The following SDK1 variants were observed in gnomAD, a reference collection of about 807,000 sequenced individuals.
The protein encoded by SDK1 is protein sidekick-1.
Under a neutral mutation model 245.5 loss-of-function variants are expected in SDK1, and 157 were observed. The observed-to-expected ratio is 0.64, with a 90% CI of 0.56 to 0.73. The LOEUF (loss-of-function observed/expected upper bound fraction) is 0.73, where lower values mean the gene tolerates loss of function less well. Among genes scored for constraint, SDK1 ranks in the 30% least tolerant of loss-of-function variants. The probability of loss-of-function intolerance (pLI) is 0.00; values close to 1 mark genes in which losing one functional copy is unlikely to be tolerated. For synonymous variants in SDK1, 1,647 were observed against 1,278.5 expected, an observed-to-expected ratio of 1.29 and a Z score of -6.15; for missense variants, 3,583 against 3,002.3, an observed-to-expected ratio of 1.19 and a Z score of -4.52.
chr7:3,320,511 A>T (rs1168633621), intron 1 of SDK1, among the ~76,000 whole-genome samples: 1 of 152,176 alleles, frequency 6.6e-6, no homozygotes, highest in Non-Finnish European at 1.5e-5. Flanking sequence ...CTTGGTTGGT[A>T]TATGAAAACC....
intron 4 of SDK1, among the ~76,000 whole-genome samples, chr7:3,658,200 A>G (rs1783247916): frequency 6.6e-6 from 1 of 152,180 alleles, no homozygotes; most frequent in Non-Finnish European, 1.5e-5. Context: ...GTGAATCATG[A>G]ACTGTCATAG....
chr7:3,341,832 C>CTTA (rs1780356508), intron 1 of SDK1, among the ~76,000 whole-genome samples: 2 of 152,162 alleles, frequency 1.3e-5, no homozygotes, highest in African/African-American at 4.8e-5. Flanking sequence ...ATATTCAACA[C>CTTA]GGTAAATGTG....
intron 4 of SDK1, among the ~76,000 whole-genome samples, chr7:3,807,080 G>GAATTT (rs920536494): frequency 2.0e-5 from 3 of 151,930 alleles, no homozygotes; most frequent in Admixed American, 2.0e-4. Context: ...AAATAAAAAG[G>GAATTT]AATTTATAAA....
At chr7:3,520,461 G>C (rs1274434168) in intron 1 of SDK1, among the ~76,000 whole-genome samples, 1 of 152,100 alleles carries the variant, frequency 6.6e-6, no homozygotes, top group African/African-American at 2.4e-5. Context: ...TGCTGTGTTT[G>C]GTGGTGCAGA....
intron 5 of SDK1, among the ~76,000 whole-genome samples, chr7:3,919,098 A>G (rs544157872): frequency 1.7e-4 from 26 of 152,320 alleles, no homozygotes; most frequent in Admixed American, 1.6e-3. Context: ...TATTAACTAT[A>G]TTCCATCTCA....
intron 40 of SDK1, among the ~76,000 whole-genome samples, chr7:4,223,436 A>G (rs1416927626): frequency 6.6e-6 from 1 of 152,190 alleles, no homozygotes; most frequent in African/African-American, 2.4e-5. Flanking sequence ...GCAGCAGGGC[A>G]GGCTCCTCCT....
intron 5 of SDK1, among the ~76,000 whole-genome samples, chr7:3,832,882 G>C (rs1160860119): frequency 6.6e-6 from 1 of 151,828 alleles, no homozygotes; most frequent in African/African-American, 2.4e-5. Flanking sequence ...TGGCTGAGAG[G>C]GTCTTAGGAA....
intron 5 of SDK1, among the ~76,000 whole-genome samples, chr7:3,868,735 C>G (rs139822214): frequency 3.9e-5 from 6 of 152,226 alleles, no homozygotes; most frequent in African/African-American, 9.6e-5. Context: ...CTTCATAAAC[C>G]AAGGGCACTT....
intron 4 of SDK1, among the ~76,000 whole-genome samples, chr7:3,749,250 C>T (rs1382283946): frequency 6.6e-6 from 1 of 152,180 alleles, no homozygotes; most frequent in East Asian, 1.9e-4. Flanking sequence ...AATTCTCCTG[C>T]CTCAGCCTTC....
At chr7:3,793,791 G>C (rs922668743) in intron 4 of SDK1, among the ~76,000 whole-genome samples, 1 of 152,120 alleles carries the variant, frequency 6.6e-6, no homozygotes, top group Non-Finnish European at 1.5e-5. Context: ...TCACAGAAAG[G>C]GAGTGGACTT....
intron 5 of SDK1, among the ~76,000 whole-genome samples, chr7:3,842,356 A>G (rs1175388741): frequency 6.6e-6 from 1 of 152,156 alleles, no homozygotes; most frequent in East Asian, 1.9e-4. Context: ...ACAGTCAAAG[A>G]AGTCACCGTA....
chr7:4,029,822 C>A (rs1787654095), intron 17 of SDK1, among the ~76,000 whole-genome samples: 1 of 152,204 alleles, frequency 6.6e-6, no homozygotes, highest in African/African-American at 2.4e-5. Context: ...TTCATCGATT[C>A]TGCCCCAGAA....
At chr7:3,872,586 T>TTTC (rs1780984057) in intron 5 of SDK1, among the ~76,000 whole-genome samples, 1 of 151,344 alleles carries the variant, frequency 6.6e-6, no homozygotes, top group African/African-American at 2.4e-5. Flanking sequence ...GTATCTTTTT[T>TTTC]TTTTTTTTTA....
In SDK1 at chr7:3,305,597, C is replaced by G. The variant is rs149191431; in HGVS notation, c.298+3713C>G. ...CCCTCCTCCTAACCTACTCCCTTTA[C>G]AACTTTGTAATTTGAGTTTCAACTG... On this transcript the variant is annotated intron_variant, in intron 1 of 44. Coordinates refer to ENST00000404826, the MANE Select transcript of SDK1 (RefSeq NM_152744.4). Among the ~76,000 whole-genome samples, 26 of 152,332 alleles carry G rather than the reference C, an allele frequency of 1.7e-4. No individual in the cohort carries two copies. The East Asian group carries it at 2.5e-3, about 15-fold the overall frequency.
At chr7:3,458,086 T>C (rs1780724509) in intron 1 of SDK1, among the ~76,000 whole-genome samples, 1 of 152,126 alleles carries the variant, frequency 6.6e-6, no homozygotes, top group Non-Finnish European at 1.5e-5. Flanking sequence ...TGTGTGTGTG[T>C]TTTTCCCTGT....
chr7:3,317,389 T>C (rs747098335), intron 1 of SDK1, among the ~76,000 whole-genome samples: 1 of 152,304 alleles, frequency 6.6e-6, no homozygotes, highest in Middle Eastern at 3.4e-3. Flanking sequence ...TTTTTATTTT[T>C]GTTTTCATCT....
intron 1 of SDK1, among the ~76,000 whole-genome samples, chr7:3,462,115 G>A (rs1003114504): frequency 1.3e-5 from 2 of 152,050 alleles, no homozygotes; most frequent in Admixed American, 6.6e-5. Flanking sequence ...TGTGGTTTCC[G>A]CTTCTGTCAT....
At chr7:4,248,827 C>G (rs1330309935) in intron 44 of SDK1, among the ~76,000 whole-genome samples, 2 of 152,112 alleles carry the variant, frequency 1.3e-5, no homozygotes, top group African/African-American at 4.8e-5. Flanking sequence ...GCACATGGCT[C>G]ACACATACTA....
intron 40 of SDK1, among the ~76,000 whole-genome samples, chr7:4,229,496 A>G (rs1046108687): frequency 3.3e-5 from 5 of 152,236 alleles, no homozygotes; most frequent in Non-Finnish European, 7.3e-5. Flanking sequence ...GTTATTATGA[A>G]AAATGCACAC....
Sources: allele counts gnomAD v4.1 joint callset (sites outside exome capture counted in the v4.1 genomes callset), GRCh38; gene constraint gnomAD v4.1.1; transcripts MANE v1.5; gene names NCBI Gene and HGNC (gene_info 2026-07-23, HGNC 2026-07-21).